The following PTPRD variants were observed in gnomAD, a reference collection of about 807,000 sequenced individuals.
The protein encoded by PTPRD is receptor-type tyrosine-protein phosphatase delta.
Under a neutral mutation model 214.5 loss-of-function variants are expected in PTPRD, and 34 were observed. The ratio of observed to expected loss-of-function variants is 0.16; its 90% CI spans 0.12 to 0.21. PTPRD has a LOEUF of 0.21. Among genes scored for constraint, PTPRD ranks in the 10% least tolerant of loss-of-function variants. The pLI is 1.00. For synonymous variants in PTPRD, 1,128 were observed against 845.7 expected, an observed-to-expected ratio of 1.33 and a Z score of -5.79; for missense variants, 2,545 against 2,398.7, an observed-to-expected ratio of 1.06 and a Z score of -1.27.
chr9:10,108,815 C>T (rs1009186371), intron 3 of PTPRD, among the ~76,000 whole-genome samples: 1 of 150,786 alleles, frequency 6.6e-6, no homozygotes, highest in East Asian at 1.9e-4. Flanking sequence ...TGTATAAGAA[C>T]AGATAAACCT....
At chr9:8,505,724 G>C (rs138103407) in intron 22 of PTPRD, among the ~76,000 whole-genome samples, 2 of 150,286 alleles carry the variant, frequency 1.3e-5, no homozygotes, top group Non-Finnish European at 1.5e-5. Context: ...AAATACAAAA[G>C]TTTTCAGGAA....
chr9:9,333,526 A>ATATATATATATATATAT (rs1569567452), intron 9 of PTPRD, among the ~76,000 whole-genome samples: 2 of 142,670 alleles, frequency 1.4e-5, no homozygotes, highest in African/African-American at 5.6e-5. Context: ...ATATATATAT[A>ATATATATATATATATAT]AAGTCTGCAA....
At chr9:10,314,270 C>T (rs201036723) in intron 3 of PTPRD, among the ~76,000 whole-genome samples, 7 of 95,220 alleles carry the variant, frequency 7.4e-5, no homozygotes, top group African/African-American at 2.5e-4. Flanking sequence ...GGAGAAAAAG[C>T]CTCCAACCAG....
At chr9:9,741,214 G>A (rs1370222798) in intron 6 of PTPRD, among the ~76,000 whole-genome samples, 2 of 152,056 alleles carry the variant, frequency 1.3e-5, no homozygotes, top group Non-Finnish European at 2.9e-5. Flanking sequence ...GTAAATCTGT[G>A]GCTCAGGAGA....
At position 10,227,853 on chromosome 9, in the gene PTPRD, T is replaced by C. The variant is rs186366710; in HGVS notation, c.-545+113110A>G. 3.3e-5 allele frequency among the ~76,000 whole-genome samples: 5 copies of C among 152,026 alleles called. No homozygotes were observed. The East Asian group carries it at 9.7e-4, about 30-fold the overall frequency. ...TTTCTACCTGAGGCCAGAGTTATTA[T>C]TTGCTTTGTCCGGCCCTACTTGGCT... On this transcript the variant is annotated intron_variant, in intron 3 of 45. Transcript: ENST00000381196.
At chr9:9,105,442 G>C (rs142106390) in intron 10 of PTPRD, among the ~76,000 whole-genome samples, 1 of 152,294 alleles carries the variant, frequency 6.6e-6, no homozygotes, top group East Asian at 1.9e-4. Flanking sequence ...TTGAGAAAAT[G>C]CAGTTGGAAC....
intron 11 of PTPRD, among the ~76,000 whole-genome samples, chr9:8,874,517 C>T (rs2098358327): frequency 1.3e-5 from 2 of 152,164 alleles, no homozygotes; most frequent in African/African-American, 4.8e-5. Context: ...CACTCTGCAC[C>T]TCCCCTGAGC....
In PTPRD at chr9:8,461,165, A is replaced by G. The variant is rs576095488; in HGVS notation, c.3715-594T>C. Among the ~76,000 whole-genome samples, 4 of 152,248 alleles carry G rather than the reference A, an allele frequency of 2.6e-5. No homozygotes were observed. The East Asian group carries it at 7.7e-4, about 29-fold the overall frequency. On this transcript the variant is annotated intron_variant, in intron 32 of 45. Coordinates refer to ENST00000381196, the MANE Select transcript of PTPRD (RefSeq NM_002839.4). ...TGGAGGCCAAAGCATGAACAAATAA[A>G]GTCTACAATTTCAAAAGAGAATTCC...
chr9:9,455,832 GC>G (rs2092912990), intron 8 of PTPRD, among the ~76,000 whole-genome samples: 2 of 151,766 alleles, frequency 1.3e-5, no homozygotes, highest in South Asian at 4.1e-4. Context: ...AACAGAATAA[GC>G]AAACACAAAT....
chr9:9,068,004 C>G (rs976664004), intron 10 of PTPRD, among the ~76,000 whole-genome samples: 4 of 152,170 alleles, frequency 2.6e-5, no homozygotes, highest in African/African-American at 9.7e-5. Flanking sequence ...GCTACCAGTT[C>G]CTAATCTCTG....
intron 2 of PTPRD, among the ~76,000 whole-genome samples, chr9:10,501,919 G>A (rs140285515): frequency 2.6e-5 from 4 of 152,026 alleles, no homozygotes; most frequent in East Asian, 1.9e-4. Context: ...CCTATCCCCT[G>A]AGAGATACTG....
intron 12 of PTPRD, among the ~76,000 whole-genome samples, chr9:8,709,520 AAAAAAAAAAAAG>A (rs1168253394): frequency 6.6e-6 from 1 of 150,832 alleles, no homozygotes; most frequent in Admixed American, 6.6e-5. Context: ...ATCTCAAAAA[AAAAAAAAAAAAG>A]AAAAAGAAAA....
chr9:9,778,188 AG>A (rs2098813773), intron 5 of PTPRD, among the ~76,000 whole-genome samples: 1 of 152,212 alleles, frequency 6.6e-6, no homozygotes, highest in South Asian at 2.1e-4. Context: ...CTGAAGAGGA[AG>A]GAAGTTAGGA....
At chr9:10,105,084 T>C (rs1323121720) in intron 3 of PTPRD, among the ~76,000 whole-genome samples, 2 of 151,846 alleles carry the variant, frequency 1.3e-5, no homozygotes, top group African/African-American at 2.4e-5. Flanking sequence ...CTTTGTCTCA[T>C]TCTCCATAAC....
chr9:8,748,738 C>T lies in PTPRD; in HGVS notation c.-103-14792G>A, dbSNP rs112586135. ...ACCAGCCTGACCAACATGGAGAAAT[C>T]CCATCTCTACTAAAAATACAAGATT... is the stretch of plus-strand genomic sequence containing the variant. On this transcript the variant is annotated intron_variant, in intron 11 of 45. Coordinates refer to ENST00000381196, the MANE Select transcript of PTPRD (RefSeq NM_002839.4). Among the ~76,000 whole-genome samples, 1,135 of 151,984 alleles carry T rather than the reference C, an allele frequency of 7.5e-3. 17 individuals are homozygous for T. Among genetic ancestry groups the T allele is most frequent in the African/African-American group, 0.026 (1,068 of 41,446 alleles).
At chr9:10,088,546 A>T (rs1243373722) in intron 3 of PTPRD, among the ~76,000 whole-genome samples, 3 of 151,742 alleles carry the variant, frequency 2.0e-5, no homozygotes, top group Non-Finnish European at 4.4e-5. Flanking sequence ...TTCTGTCTAT[A>T]TGGAAGAAGG....
chr9:10,004,594 C>T (rs1227489021), intron 4 of PTPRD, among the ~76,000 whole-genome samples: 1 of 151,594 alleles, frequency 6.6e-6, no homozygotes, highest in African/African-American at 2.4e-5. Context: ...TTTAAGGTGC[C>T]ATTTAGCTCT....
At position 8,993,086 on chromosome 9, in the gene PTPRD, AAATC is replaced by A. The variant is rs536218646; in HGVS notation, c.-104+25607_-104+25610del. 8.4e-4 allele frequency among the ~76,000 whole-genome samples: 128 copies of A among 152,308 alleles called. 1 individual carries two copies. The highest frequency in any genetic ancestry group is 2.5e-3 in the South Asian group (12 of 4,830). On this transcript the variant is annotated intron_variant, in intron 11 of 45. Coordinates refer to ENST00000381196, the MANE Select transcript of PTPRD (RefSeq NM_002839.4). ...ATAGTGTTACATAATCTTATCTCAGAAATCAATCAGAGGAAGAATAATTATGTTT... is the reference window on the plus strand; with the variant it reads ...ATAGTGTTACATAATCTTATCTCAGAAATCAGAGGAAGAATAATTATGTTT...
chr9:10,182,657 A>G (rs892955009), intron 3 of PTPRD, among the ~76,000 whole-genome samples: 2 of 152,198 alleles, frequency 1.3e-5, no homozygotes, highest in Admixed American at 6.5e-5. Context: ...AAATAAATGG[A>G]CAGTAAAACA....
Sources: allele counts gnomAD v4.1 joint callset (sites outside exome capture counted in the v4.1 genomes callset), GRCh38; gene constraint gnomAD v4.1.1; transcripts MANE v1.5; gene names NCBI Gene and HGNC (gene_info 2026-07-23, HGNC 2026-07-21).